ITIH4: variants seen among roughly 807,000 people sequenced by gnomAD.
ITIH4 encodes inter-alpha-trypsin inhibitor heavy chain 4, also known as inter-alpha-trypsin inhibitor heavy chain H4.
In ITIH4, 79 loss-of-function variants were observed where a neutral mutation model predicts 111.8. The observed-to-expected ratio is 0.71, with a 90% CI of 0.59 to 0.85. The LOEUF (loss-of-function observed/expected upper bound fraction) is 0.85. Ranked by LOEUF, ITIH4 falls within the 40% of genes least tolerant of loss-of-function variation. The probability of loss-of-function intolerance (pLI) is 0.00; values close to 1 mark genes in which losing one functional copy is unlikely to be tolerated. For missense variants in ITIH4, 1,065 were observed against 1,195.8 expected, an observed-to-expected ratio of 0.89 and a Z score of 1.61; for synonymous variants, 472 against 468.3, an observed-to-expected ratio of 1.01 and a Z score of -0.10.
chr3:52,824,833 A>G lies in ITIH4; in HGVS notation c.876+9T>C, dbSNP rs757260910. On this transcript the variant is annotated intron_variant, in intron 7 of 23. Coordinates refer to ENST00000266041, the MANE Select transcript of ITIH4 (RefSeq NM_002218.5). This position sits in a 1 kb window ranked among gnomAD's most constrained non-coding sequence, Gnocchi z 4.3. Reference sequence around the variant, plus strand: ...TTTTCAGGGCCCTGCCCTGGGCCACAGGACCTACCTGCTGGATTTTCCTGC... The same window carrying G: ...TTTTCAGGGCCCTGCCCTGGGCCACGGGACCTACCTGCTGGATTTTCCTGC... 1.2e-6 allele frequency: 2 copies of G among 1,604,946 alleles called. No individual in the cohort carries two copies. The highest frequency in any genetic ancestry group is 1.7e-6 in the Non-Finnish European group (2 of 1,172,592).
chr3:52,824,821 G>A lies in ITIH4; in HGVS notation c.876+21C>T. ...AGGGCCTGGGAGTTTTCAGGGCCCT[G>A]CCCTGGGCCACAGGACCTACCTGCT... On this transcript the variant is annotated intron_variant, in intron 7 of 23. Transcript: ENST00000266041. This position sits in a 1 kb window ranked among gnomAD's most constrained non-coding sequence, Gnocchi z 4.3. 1 of 1,583,410 alleles carries A rather than the reference G, an allele frequency of 6.3e-7. No homozygotes were observed.
chr3:52,828,757 G>A (rs1409326473), intron 2 of ITIH4, among the ~76,000 whole-genome samples: 1 of 152,174 alleles, frequency 6.6e-6, no homozygotes, highest in Non-Finnish European at 1.5e-5. Context: ...GGGTCTAGAA[G>A]GTTTTCTGTA....
At position 52,817,040 on chromosome 3, in the gene ITIH4, T is replaced by C. The variant is rs1700290259; in HGVS notation, c.2315A>G (p.Gln772Arg). Reference sequence around the variant, plus strand: ...GAACCCAGCCTTCTCCCTCTCATACTGGCCAGTCACCTCAACCCCTGGGAG... The same window carrying C: ...GAACCCAGCCTTCTCCCTCTCATACCGGCCAGTCACCTCAACCCCTGGGAG... Reference protein sequence around the residue: ...DPEQGVEVTGQYEREKAGFSW... With the variant: ...DPEQGVEVTGRYEREKAGFSW... The change falls in exon 21 of 24, where the codon CAG becomes CGG. Residue 772 changes from glutamine to arginine, a missense_variant. Coordinates refer to ENST00000266041, the MANE Select transcript of ITIH4 (RefSeq NM_002218.5). 4 of 1,613,608 alleles carry C rather than the reference T, an allele frequency of 2.5e-6. No homozygotes were observed. Among genetic ancestry groups the C allele is most frequent in the Non-Finnish European group, 2.5e-6 (3 of 1,179,874 alleles).
intron 15 of ITIH4, 60 bp from the exon 16 acceptor site, chr3:52,819,852 CAGAGGAGCT>C: frequency 1.2e-6 from 2 of 1,608,354 alleles, no homozygotes; most frequent in South Asian, 2.2e-5. Context: ...TGTCACCAGC[CAGAGGAGCT>C]GGGCAAGGCA....
chr3:52,820,751 G>A lies in ITIH4; in HGVS notation c.1714C>T (p.Arg572Trp), dbSNP rs766682977. 1.4e-5 allele frequency: 22 copies of A among 1,613,714 alleles called. No homozygotes were observed. The highest frequency in any genetic ancestry group is 7.7e-5 in the South Asian group (7 of 91,040). Residue 572 changes from arginine (R) to tryptophan (W), a missense_variant, in exon 13 of 24, where the codon CGG becomes TGG. Coordinates refer to ENST00000266041, the MANE Select transcript of ITIH4 (RefSeq NM_002218.5). ...AGTGATAAATTCAGCGCTTGGTTCC[G>A]GAGGGCCTGCTGATCAGCATCGGAT... ...SASDADQQAL[R>W]NQALNLSLAY...
At position 52,824,607 on chromosome 3, in the gene ITIH4, C is replaced by T; in HGVS notation, c.877-42G>A. Reference sequence around the variant, plus strand: ...AACATAGGTGCTTCAGAAGGGCTCCCTGAGGGCTCGTGTGCCCTAGGGCTG... The same window carrying T: ...AACATAGGTGCTTCAGAAGGGCTCCTTGAGGGCTCGTGTGCCCTAGGGCTG... On this transcript the variant is annotated intron_variant, in intron 7 of 23. Transcript: ENST00000266041. The surrounding 1 kb of genome is among the most constrained non-coding windows in gnomAD (Gnocchi z 4.3). 1.3e-6 allele frequency: 2 copies of T among 1,580,628 alleles called. No individual in the cohort carries two copies. Among genetic ancestry groups the T allele is most frequent in the South Asian group, 2.3e-5 (2 of 88,166 alleles).
At position 52,817,042 on chromosome 3, in the gene ITIH4, G is replaced by C; in HGVS notation, c.2313C>G (p.Gly771=). 1 of 1,613,594 alleles carries C rather than the reference G, an allele frequency of 6.2e-7. No individual in the cohort carries two copies. Among genetic ancestry groups the C allele is most frequent in the Non-Finnish European group, 8.5e-7 (1 of 1,179,798 alleles). ...ACCCAGCCTTCTCCCTCTCATACTGGCCAGTCACCTCAACCCCTGGGAGGA... is the reference window on the plus strand; with the variant it reads ...ACCCAGCCTTCTCCCTCTCATACTGCCCAGTCACCTCAACCCCTGGGAGGA... The part of the protein sequence containing the change: ...SDPEQGVEVT[G]QYEREKAGFS... Residue 771 remains glycine (G), a synonymous_variant, in exon 21 of 24, where the codon GGC becomes GGG. Transcript: ENST00000266041.
intron 11 of ITIH4, among the ~76,000 whole-genome samples, chr3:52,821,647 C>T (rs1377170132): frequency 6.6e-6 from 1 of 152,132 alleles, no homozygotes; most frequent in Non-Finnish European, 1.5e-5. Flanking sequence ...TCCAAGCTGG[C>T]CCCTCTGCGG....
At chr3:52,826,405 A>G in intron 5 of ITIH4, 136 bp downstream of exon 5, 1 of 677,418 alleles carries the variant, frequency 1.5e-6, no homozygotes, top group Non-Finnish European at 2.6e-6. Context: ...GCAAGGATGC[A>G]GAGATCTCAG....
chr3:52,820,903 A>G, intron 12 of ITIH4, 88 bp downstream of exon 12: 1 of 1,551,218 alleles, frequency 6.4e-7, no homozygotes, highest in Non-Finnish European at 8.7e-7. Context: ...TGATGCCAAG[A>G]CCCCCCTCTC....
At position 52,827,107 on chromosome 3, in the gene ITIH4, G is replaced by A. The variant is rs772784447; in HGVS notation, c.342C>T (p.Ser114=). The A allele has an allele frequency of 8.1e-6, 13 of 1,613,914 alleles. No individual in the cohort carries two copies. The highest frequency in any genetic ancestry group is 3.4e-6 in the Non-Finnish European group (4 of 1,179,936). The part of the protein sequence containing the change: ...QYSAAVAKGK[S]AGLVKATGRN... The stretch of plus-strand genomic sequence containing the variant: ...CACCAGCTCACTTGACGAGGCCAGC[G>A]CTCTTTCCCTTGGCCACTGCTGCGC... Residue 114 remains serine, a synonymous_variant, in exon 3 of 24, where the codon AGC becomes AGT. Coordinates refer to ENST00000266041, the MANE Select transcript of ITIH4 (RefSeq NM_002218.5).
Position 52,827,272 on chromosome 3 carries a change from C to A in ITIH4, c.252-75G>T, listed in dbSNP as rs1420462262. 5 of 1,172,794 alleles carry A rather than the reference C, an allele frequency of 4.3e-6. No homozygotes were observed. In the East Asian group the frequency reaches 1.2e-4, roughly 27 times the overall value. 72.6% of individuals were successfully genotyped at this position (1,172,794 alleles called of 1,614,324 possible). On this transcript the variant is annotated intron_variant, in intron 2 of 23. Transcript: ENST00000266041. ...TTCCACTCCTGCCTCCTCCAGAGAG[C>A]CTTTCTGGACTCGGTGTGCCTCTTG...
At position 52,818,134 on chromosome 3, in the gene ITIH4, C is replaced by G. The variant is rs1214571223; in HGVS notation, c.2214G>C (p.Leu738=). 3 of 1,613,388 alleles carry G rather than the reference C, an allele frequency of 1.9e-6. No individual in the cohort carries two copies. Among genetic ancestry groups the G allele is most frequent in the Non-Finnish European group, 2.5e-6 (3 of 1,179,712 alleles). The change falls in exon 20 of 24, where the codon CTG becomes CTC. Residue 738 remains leucine (L), a synonymous_variant. Coordinates refer to ENST00000266041, the MANE Select transcript of ITIH4 (RefSeq NM_002218.5). ...AGAGCCGCTCCACACTCTGCCCAGG[C>G]AGTGGCAGGATGGCAGAGGGAGCCT... ...PIQAPSAILP[L]PGQSVERLCV... is the part of the protein sequence containing the mutation.
At chr3:52,822,256 T>C (rs991437592) in intron 11 of ITIH4, 3 of 151,954 alleles carry the variant, frequency 2.0e-5, no homozygotes, top group African/African-American at 4.8e-5. Flanking sequence ...GGCAGGAGAA[T>C]GGTGTGAACC....
chr3:52,827,278 T>G, intron 2 of ITIH4, 81 bp from the exon 3 acceptor site: 1 of 1,124,532 alleles, frequency 8.9e-7, no homozygotes. Context: ...AGAGCCTTTC[T>G]GGACTCGGTG....
In ITIH4 at chr3:52,823,951, G is replaced by A. The variant is rs772055177; in HGVS notation, c.1225C>T (p.Arg409Trp). ...QNNVREAVSG[R>W]YSLFCLGFGF... is the part of the protein sequence containing the mutation. ...AAGCCCAGGCAGAAGAGGCTGTACC[G>A]GCCACTTACAGCTTCCCGCACGTTA... The change falls in exon 10 of 24, where the codon CGG (arginine) becomes TGG (tryptophan). Residue 409 changes from arginine (R) to tryptophan (W), a missense_variant. Transcript: ENST00000266041. 27 of 1,597,622 alleles carry A rather than the reference G, an allele frequency of 1.7e-5. 1 individual carries two copies. The South Asian group carries it at 1.8e-4, about 11-fold the overall frequency.
chr3:52,821,632 C>T (rs1056078763), intron 11 of ITIH4, among the ~76,000 whole-genome samples: 1 of 151,958 alleles, frequency 6.6e-6, no homozygotes, highest in South Asian at 2.1e-4. Context: ...CAACGGCTGT[C>T]CCTGTCCAAG....
At chr3:52,815,477 G>T (rs34288509) in intron 21 of ITIH4, among the ~76,000 whole-genome samples, 1 of 151,648 alleles carries the variant, frequency 6.6e-6, no homozygotes, top group East Asian at 1.9e-4. Flanking sequence ...CCTGACCTTA[G>T]GTGATCCACC....
chr3:52,819,729 C>T, intron 16 of ITIH4, 25 bp downstream of exon 16: 1 of 1,612,208 alleles, frequency 6.2e-7, no homozygotes, highest in Non-Finnish European at 8.5e-7. Context: ...GTCATGCCTC[C>T]CCCTGGCAGA....
Sources: allele counts gnomAD v4.1 joint callset (sites outside exome capture counted in the v4.1 genomes callset), GRCh38; gene constraint gnomAD v4.1.1; non-coding constraint Gnocchi (gnomAD v3.1); transcripts MANE v1.5; gene names NCBI Gene and HGNC (gene_info 2026-07-23, HGNC 2026-07-21).